Variants in CDK14 observed in about 807,000 individuals in gnomAD.
CDK14 encodes cyclin-dependent kinase 14.
In CDK14, 34 loss-of-function variants were observed where a neutral mutation model predicts 60.7. The observed-to-expected ratio is 0.56, with a 90% CI of 0.43 to 0.75. The LOEUF is 0.75. Among genes scored for constraint, CDK14 ranks in the 30% least tolerant of loss-of-function variants. CDK14 has a pLI of 0.00. For missense variants in CDK14, 482 were observed against 564.1 expected (o/e 0.85, Z 1.47); for synonymous variants, 197 against 203.7 (o/e 0.97, Z 0.28).
At chr7:90,960,625 T>TA (rs1794576445) in intron 9 of CDK14, among the ~76,000 whole-genome samples, 1 of 152,184 alleles carries the variant, frequency 6.6e-6, no homozygotes, top group Non-Finnish European at 1.5e-5. Context: ...AATTGCCTGT[T>TA]TATTAAGTAT....
chr7:90,852,646 C>T (rs1405821294), intron 5 of CDK14, among the ~76,000 whole-genome samples: 2 of 152,146 alleles, frequency 1.3e-5, no homozygotes, highest in Admixed American at 6.5e-5. Context: ...TAGCATTGGC[C>T]AAGCACGGTT....
intron 4 of CDK14, among the ~76,000 whole-genome samples, chr7:90,774,781 G>A (rs960216905): frequency 1.3e-5 from 2 of 152,182 alleles, no homozygotes; most frequent in African/African-American, 4.8e-5. Context: ...GTGTGTTTTG[G>A]TCTCTATTAG....
Position 90,596,593 on chromosome 7 carries a change from G to A in CDK14, c.-35G>A. 1 of 1,590,564 alleles carries A rather than the reference G, an allele frequency of 6.3e-7. No individual in the cohort carries two copies. On this transcript the variant is annotated 5_prime_UTR_variant, in exon 1 of 15. Transcript: ENST00000380050. ...CGTTGTCTGAGCTGTGCCTGGACCA[G>A]TTTGGGGAAGTTGTCGGGGCTCCGC...
intron 6 of CDK14, among the ~76,000 whole-genome samples, chr7:90,888,983 T>A (rs928506430): frequency 2.0e-5 from 3 of 152,258 alleles, no homozygotes; most frequent in African/African-American, 7.2e-5. Flanking sequence ...AGAGAGCACA[T>A]TTTACACATT....
chr7:90,740,614 T>G (rs1005308949), intron 3 of CDK14, among the ~76,000 whole-genome samples: 1 of 152,178 alleles, frequency 6.6e-6, no homozygotes, highest in Non-Finnish European at 1.5e-5. Flanking sequence ...ACCTTGATCT[T>G]GGACTTCTAG....
intron 4 of CDK14, among the ~76,000 whole-genome samples, chr7:90,759,271 T>C (rs900141029): frequency 6.6e-6 from 1 of 152,174 alleles, no homozygotes; most frequent in Non-Finnish European, 1.5e-5. Flanking sequence ...TGTTCCCTTT[T>C]GGGGCTTACT....
chr7:90,625,372 C>T (rs1052456926), intron 2 of CDK14, among the ~76,000 whole-genome samples: 2 of 152,070 alleles, frequency 1.3e-5, no homozygotes, highest in Admixed American at 6.6e-5. Flanking sequence ...GAATAAGTTA[C>T]GGTAGTACCT....
At chr7:90,763,332 G>A (rs1804404081) in intron 4 of CDK14, among the ~76,000 whole-genome samples, 2 of 152,114 alleles carry the variant, frequency 1.3e-5, no homozygotes, top group South Asian at 2.1e-4. Context: ...ATATTTCAAG[G>A]CCTGGACCCA....
chr7:91,119,434 A>T (rs1322822255), intron 14 of CDK14, among the ~76,000 whole-genome samples: 1 of 152,216 alleles, frequency 6.6e-6, no homozygotes, highest in East Asian at 1.9e-4. Flanking sequence ...CAGTGAGCTG[A>T]GATTGCACCA....
rs373477872 is a variant in CDK14 at position 91,096,634 on chromosome 7, A to G, written c.1155-15908A>G. Reference sequence around the variant, plus strand: ...TTACAGCTATCCTCATGGGTATGCAATAGACACCAGCTCTTTTTTCCCTAA... The same window carrying G: ...TTACAGCTATCCTCATGGGTATGCAGTAGACACCAGCTCTTTTTTCCCTAA... On this transcript the variant is annotated intron_variant, in intron 12 of 14. Transcript: ENST00000380050. 6.5e-3 allele frequency among the ~76,000 whole-genome samples: 988 copies of G among 152,328 alleles called. 4 individuals are homozygous for G. Among genetic ancestry groups the G allele is most frequent in the Middle Eastern group, 0.017 (5 of 294 alleles).
chr7:90,815,946 T>C (rs1169154789), intron 5 of CDK14, among the ~76,000 whole-genome samples: 1 of 151,786 alleles, frequency 6.6e-6, no homozygotes, highest in African/African-American at 2.4e-5. Context: ...AGGGGGAGAA[T>C]CAGGACAAAC....
At chr7:91,072,639 C>T (rs1335960124) in intron 11 of CDK14, among the ~76,000 whole-genome samples, 2 of 152,100 alleles carry the variant, frequency 1.3e-5, no homozygotes, top group East Asian at 3.9e-4. Flanking sequence ...ATCGCAACAG[C>T]TCTCCAGCAA....
At chr7:90,863,577 GT>G (rs1791075713) in intron 6 of CDK14, among the ~76,000 whole-genome samples, 1 of 151,962 alleles carries the variant, frequency 6.6e-6, no homozygotes, top group African/African-American at 2.4e-5. Flanking sequence ...CAGCCTGATG[GT>G]GATCATTATC....
intron 10 of CDK14, among the ~76,000 whole-genome samples, chr7:91,039,788 C>T (rs927158080): frequency 5.3e-5 from 8 of 152,096 alleles, no homozygotes; most frequent in Non-Finnish European, 1.2e-4. Context: ...ACTGTACCCT[C>T]CTCTTAAAAA....
At chr7:91,100,325 A>G (rs1799115365) in intron 12 of CDK14, among the ~76,000 whole-genome samples, 1 of 152,226 alleles carries the variant, frequency 6.6e-6, no homozygotes, top group Non-Finnish European at 1.5e-5. Context: ...AGTCACTGCC[A>G]GTAGGCACTG....
At chr7:90,907,403 T>G (rs947483293) in intron 7 of CDK14, among the ~76,000 whole-genome samples, 10 of 152,102 alleles carry the variant, frequency 6.6e-5, no homozygotes, top group African/African-American at 1.9e-4. Flanking sequence ...TTTTCATGTG[T>G]TCTTTAAAAA....
chr7:90,736,355 T>TG (rs1271288859), intron 3 of CDK14, among the ~76,000 whole-genome samples: 4 of 145,858 alleles, frequency 2.7e-5, no homozygotes, highest in African/African-American at 1.0e-4. Context: ...TTTTTGTTTT[T>TG]TTTTTTTTTT....
At chr7:90,854,591 T>C (rs376961981) in intron 5 of CDK14, among the ~76,000 whole-genome samples, 15 of 151,484 alleles carry the variant, frequency 9.9e-5, no homozygotes, top group African/African-American at 3.6e-4. Context: ...ATAGCTAATA[T>C]GATATGAATG....
At chr7:90,856,894 A>G (rs967891135) in intron 5 of CDK14, among the ~76,000 whole-genome samples, 1 of 152,164 alleles carries the variant, frequency 6.6e-6, no homozygotes, top group African/African-American at 2.4e-5. Context: ...ATTCTGGGAA[A>G]GTCAGGCAGC....
Sources: gnomAD v4.1 joint callset for allele counts (sites outside exome capture counted in the v4.1 genomes callset) on GRCh38, gnomAD v4.1.1 for gene constraint, MANE v1.5 for transcripts, NCBI Gene and HGNC (gene_info 2026-07-23, HGNC 2026-07-21) for gene names.